Variants in SEMA4D observed in about 807,000 individuals in gnomAD.
SEMA4D encodes the protein semaphorin 4D, also known as semaphorin-4D.
In SEMA4D, 22 loss-of-function variants were observed where a neutral mutation model predicts 74.8. The ratio of observed to expected loss-of-function variants is 0.29; its 90% CI spans 0.21 to 0.42. SEMA4D has a LOEUF of 0.42. SEMA4D is among the 10% of genes least tolerant of loss of function. The pLI, the probability that SEMA4D is intolerant of heterozygous loss-of-function variation, is 1.00. For synonymous variants in SEMA4D, 445 were observed against 463.7 expected (o/e 0.96, Z 0.52); for missense variants, 937 against 1,118.4 (o/e 0.84, Z 2.31).
intron 2 of SEMA4D, among the ~76,000 whole-genome samples, chr9:89,446,377 C>G (rs1266308076): frequency 6.6e-6 from 1 of 152,206 alleles, no homozygotes; most frequent in African/African-American, 2.4e-5. Context: ...GGGTTAGAAC[C>G]TGGTATTTTC....
chr9:89,496,508 G>A (rs1266191214), intron 1 of SEMA4D, among the ~76,000 whole-genome samples: 1 of 152,166 alleles, frequency 6.6e-6, no homozygotes, highest in Non-Finnish European at 1.5e-5. Context: ...TGAAGGTCTG[G>A]CCTTATGGGA....
chr9:89,391,775 G>GT lies in SEMA4D; in HGVS notation c.623-361dup, dbSNP rs765263009. Among the ~76,000 whole-genome samples the GT allele has an allele frequency of 2.0e-5, 3 of 152,230 alleles. No homozygotes were observed. In the South Asian group the frequency reaches 6.2e-4, roughly 31 times the overall value. On this transcript the variant is annotated intron_variant, in intron 8 of 15. Coordinates refer to ENST00000422704, the MANE Select transcript of SEMA4D (RefSeq NM_001371194.2). Reference sequence around the variant, plus strand: ...ACCTACGTAAGGCATGCATTTGCTGGTTTAAACAACACATGCTTCACATAA... The same window carrying GT: ...ACCTACGTAAGGCATGCATTTGCTGGTTTTAAACAACACATGCTTCACATAA...
chr9:89,469,417 C>T (rs189480296), intron 1 of SEMA4D, among the ~76,000 whole-genome samples: 60 of 152,174 alleles, frequency 3.9e-4, no homozygotes, highest in African/African-American at 1.4e-3. Context: ...AAAACATTTC[C>T]CAACTTAAAT....
intron 1 of SEMA4D, among the ~76,000 whole-genome samples, chr9:89,459,945 G>A (rs545325389): frequency 1.3e-5 from 2 of 152,274 alleles, no homozygotes; most frequent in South Asian, 4.1e-4. Context: ...AACAGCAGGA[G>A]GTAAGAAATC....
chr9:89,365,002 T>G (rs1217903843), intron 16 of SEMA4D: 2 of 152,278 alleles, frequency 1.3e-5, no homozygotes, highest in Non-Finnish European at 2.9e-5. Flanking sequence ...CTCCCGGCCT[T>G]CCTTGCTCGT....
At chr9:89,466,393 C>T (rs942951978) in intron 1 of SEMA4D, among the ~76,000 whole-genome samples, 1 of 152,154 alleles carries the variant, frequency 6.6e-6, no homozygotes, top group Non-Finnish European at 1.5e-5. Flanking sequence ...AGACAGAGGG[C>T]TGCCTGGGGC....
Position 89,484,798 on chromosome 9 carries a change from G to T in SEMA4D, c.-310+13121C>A, listed in dbSNP as rs1204720303. On this transcript the variant is annotated intron_variant, in intron 1 of 15. Coordinates refer to ENST00000422704, the MANE Select transcript of SEMA4D (RefSeq NM_001371194.2). The surrounding 1 kb of genome is among the most constrained non-coding windows in gnomAD (Gnocchi z 4.1). ...GGAATGTGTGGTGTGGTGTGTGGAT[G>T]TATTGTGTGGTGGGTGTGTGGTGTG... Among the ~76,000 whole-genome samples, 1 of 150,412 alleles carries T rather than the reference G, an allele frequency of 6.6e-6. No homozygotes were observed. Among genetic ancestry groups the T allele is most frequent in the East Asian group, 2.0e-4 (1 of 5,110 alleles).
intron 2 of SEMA4D, among the ~76,000 whole-genome samples, chr9:89,412,560 G>A (rs546532294): frequency 3.3e-5 from 5 of 152,278 alleles, no homozygotes; most frequent in Admixed American, 2.0e-4. Context: ...AGCAGGGCAC[G>A]GGCACCCCCA....
chr9:89,423,621 A>T (rs1382321400), intron 2 of SEMA4D, among the ~76,000 whole-genome samples: 1 of 152,090 alleles, frequency 6.6e-6, no homozygotes, highest in Non-Finnish European at 1.5e-5. Context: ...TGCCTGGTTC[A>T]GATTCCCATG....
At chr9:89,391,543 T>G in intron 8 of SEMA4D, 128 bp from the exon 9 acceptor site, 1 of 829,278 alleles carries the variant, frequency 1.2e-6, no homozygotes, top group Admixed American at 2.5e-5. Flanking sequence ...GTCTGGAGTG[T>G]GCACATGCCA....
chr9:89,427,063 C>T (rs1403624989), intron 2 of SEMA4D, among the ~76,000 whole-genome samples: 4 of 152,200 alleles, frequency 2.6e-5, no homozygotes, highest in African/African-American at 4.8e-5. Context: ...CACCAAATGA[C>T]CCTCTAGCTG....
At position 89,396,785 on chromosome 9, in the gene SEMA4D, G is replaced by A. The variant is rs1841060770; in HGVS notation, c.366C>T (p.Ser122=). The A allele has an allele frequency of 6.2e-7, 1 of 1,614,074 alleles. No homozygotes were observed. The highest frequency in any genetic ancestry group is 8.5e-7 in the Non-Finnish European group (1 of 1,179,952). ...ATGCGTTGGTCCCACACACGTAAAG[G>A]GAAGTGGCGCTGAGTGGCTGCAGCA... ...IRVLQPLSAT[S]LYVCGTNAFQ... Residue 122 remains serine, a synonymous_variant, in exon 6 of 16, where the codon TCC becomes TCT. Transcript: ENST00000422704.
At chr9:89,371,966 G>GT (rs1835012423) in intron 16 of SEMA4D, among the ~76,000 whole-genome samples, 3 of 137,764 alleles carry the variant, frequency 2.2e-5, no homozygotes, top group Admixed American at 7.4e-5. Flanking sequence ...TGGTGTGTGT[G>GT]GGGTGTGGTG....
chr9:89,409,781 T>C (rs934109122), intron 2 of SEMA4D, among the ~76,000 whole-genome samples: 1 of 152,078 alleles, frequency 6.6e-6, no homozygotes, highest in African/African-American at 2.4e-5. Context: ...TGGAGAGATA[T>C]GGTTTACATG....
intron 1 of SEMA4D, among the ~76,000 whole-genome samples, chr9:89,471,797 G>A (rs1027038662): frequency 1.5e-5 from 2 of 136,446 alleles, no homozygotes; most frequent in Non-Finnish European, 3.2e-5. Context: ...AGCCAGACAG[G>A]GTGCACACTG....
intron 16 of SEMA4D, among the ~76,000 whole-genome samples, chr9:89,370,869 CGTGTGGG>C (rs1443691406): frequency 4.0e-5 from 3 of 75,808 alleles, no homozygotes; most frequent in African/African-American, 1.6e-4. Context: ...TGGGATGTGG[CGTGTGGG>C]GTGTGTGTCT....
intron 4 of SEMA4D, among the ~76,000 whole-genome samples, chr9:89,400,756 C>A (rs945568507): frequency 1.3e-5 from 2 of 152,054 alleles, no homozygotes; most frequent in Admixed American, 1.3e-4. Context: ...CAGGGATTTT[C>A]ACTGATGCTT....
At chr9:89,368,897 T>G (rs1211112932) in intron 16 of SEMA4D, 1 of 152,220 alleles carries the variant, frequency 6.6e-6, no homozygotes, top group African/African-American at 2.4e-5. Context: ...CCTGGCTCCA[T>G]GGGGGGCCTG....
chr9:89,425,174 C>G (rs181141547), intron 2 of SEMA4D, among the ~76,000 whole-genome samples: 10 of 152,296 alleles, frequency 6.6e-5, no homozygotes, highest in African/African-American at 2.4e-4. Flanking sequence ...CCTGCATCCA[C>G]CAGATTTCCT....
Sources: gnomAD v4.1 joint callset for allele counts (sites outside exome capture counted in the v4.1 genomes callset) on GRCh38, gnomAD v4.1.1 for gene constraint, Gnocchi (gnomAD v3.1) non-coding constraint, MANE v1.5 for transcripts, NCBI Gene and HGNC (gene_info 2026-07-23, HGNC 2026-07-21) for gene names.